DIAPH2: variants seen among roughly 807,000 people sequenced by gnomAD.
DIAPH2 encodes the protein diaphanous related formin 2.
In DIAPH2, 35 loss-of-function variants were observed where a neutral mutation model predicts 92.7. The observed-to-expected ratio is 0.38, with a 90% CI of 0.29 to 0.50. The LOEUF is 0.50. DIAPH2 is among the 20% of genes least tolerant of loss of function. The pLI is 0.94. For missense variants in DIAPH2, 701 were observed against 819.5 expected (o/e 0.86, Z 1.77); for synonymous variants, 301 against 280.4 (o/e 1.07, Z -0.73).
At chrX:96,833,406 A>G (rs2064868067) in intron 4 of DIAPH2, among the ~76,000 whole-genome samples, 1 of 111,563 alleles carries the variant, frequency 9.0e-6, no homozygotes, top group Non-Finnish European at 1.9e-5. Flanking sequence ...GTAGGAAATT[A>G]TGATTTAGTG....
chrX:96,725,482 C>T (rs1397574018), intron 1 of DIAPH2, among the ~76,000 whole-genome samples: 1 of 111,815 alleles, frequency 8.9e-6, no homozygotes, highest in African/African-American at 3.2e-5. Flanking sequence ...TAAGCTTCTA[C>T]GTTTTAAATA....
intron 20 of DIAPH2, among the ~76,000 whole-genome samples, chrX:97,107,311 A>C (rs1324946738): frequency 9.0e-6 from 1 of 111,148 alleles, no homozygotes; most frequent in Non-Finnish European, 1.9e-5. Context: ...TCAACACTCA[A>C]TTTTTTCAAG....
At chrX:97,210,309 G>T (rs1173662599) in intron 22 of DIAPH2, among the ~76,000 whole-genome samples, 1 of 111,544 alleles carries the variant, frequency 9.0e-6, no homozygotes, top group Admixed American at 9.5e-5. Context: ...GAAACCTTTC[G>T]ATGATAGTGT....
At chrX:97,293,392 A>C (rs774343622) in intron 23 of DIAPH2, among the ~76,000 whole-genome samples, 2 of 108,884 alleles carry the variant, frequency 1.8e-5, no homozygotes, top group Admixed American at 1.0e-4. Flanking sequence ...AGCTGGGATT[A>C]CAGGCATGCA....
intron 4 of DIAPH2, among the ~76,000 whole-genome samples, chrX:96,867,997 TAATA>T (rs1182069195): frequency 8.9e-6 from 1 of 112,042 alleles, no homozygotes; most frequent in Non-Finnish European, 1.9e-5. Context: ...TTATTTTAAG[TAATA>T]AATCATTTGC....
At chrX:96,873,806 G>C (rs1396612899) in intron 4 of DIAPH2, among the ~76,000 whole-genome samples, 1 of 110,723 alleles carries the variant, frequency 9.0e-6, no homozygotes, top group Non-Finnish European at 1.9e-5. Flanking sequence ...TCCCAGTTGT[G>C]ATATCATAAT....
chrX:97,014,644 A>C (rs1322538777), intron 17 of DIAPH2, among the ~76,000 whole-genome samples: 1 of 111,761 alleles, frequency 8.9e-6, no homozygotes. Flanking sequence ...CTTTTTTCAG[A>C]GTGGGTAGGA....
intron 23 of DIAPH2, among the ~76,000 whole-genome samples, chrX:97,272,964 T>C (rs2068402636): frequency 9.0e-6 from 1 of 111,564 alleles, no homozygotes; most frequent in East Asian, 2.8e-4. Context: ...GAGACCAGCC[T>C]GACCAACATG....
At chrX:97,171,754 C>T (rs1412221707) in intron 22 of DIAPH2, among the ~76,000 whole-genome samples, 1 of 111,407 alleles carries the variant, frequency 9.0e-6, no homozygotes, top group East Asian at 2.8e-4. Flanking sequence ...TCCTGGCTAA[C>T]ACAGTGAAAC....
At chrX:97,550,957 T>G (rs758794192) in intron 26 of DIAPH2, among the ~76,000 whole-genome samples, 1 of 110,489 alleles carries the variant, frequency 9.1e-6, no homozygotes, top group South Asian at 3.9e-4. Flanking sequence ...GCCCTGTATA[T>G]CCACAGAGGA....
intron 5 of DIAPH2, among the ~76,000 whole-genome samples, chrX:96,886,911 C>CTTTTT (rs55653485): frequency 9.6e-6 from 1 of 103,956 alleles, no homozygotes; most frequent in East Asian, 3.0e-4. Context: ...GAAAAAAACT[C>CTTTTT]TTTTTTTTTT....
At chrX:97,107,102 G>A (rs1016090373) in intron 20 of DIAPH2, among the ~76,000 whole-genome samples, 1 of 112,209 alleles carries the variant, frequency 8.9e-6, no homozygotes, top group Non-Finnish European at 1.9e-5. Context: ...AATGGTTGTT[G>A]ATGGGTAGTT....
At chrX:97,275,273 G>GC (rs777062563) in intron 23 of DIAPH2, among the ~76,000 whole-genome samples, 1,098 of 93,796 alleles carry the variant, frequency 0.012, 18 homozygotes, top group African/African-American at 0.042. Context: ...GGCAGGGGCT[G>GC]CCCCCCCAAC....
chrX:96,763,056 T>G, intron 4 of DIAPH2: 1 of 941,048 alleles, frequency 1.1e-6, no homozygotes, highest in Non-Finnish European at 1.4e-6. Flanking sequence ...GCTGTTTGTT[T>G]TTTTTTTACA....
chrX:97,097,205 T>TA (rs2066875465), intron 19 of DIAPH2, among the ~76,000 whole-genome samples: 1 of 111,930 alleles, frequency 8.9e-6, no homozygotes, highest in South Asian at 3.7e-4. Flanking sequence ...TGTACATATA[T>TA]AAAAAATCAG....
intron 26 of DIAPH2, among the ~76,000 whole-genome samples, chrX:97,541,796 T>A (rs1047108678): frequency 8.9e-6 from 1 of 112,394 alleles, no homozygotes; most frequent in African/African-American, 3.2e-5. Context: ...TTTTTTCCTT[T>A]ATGTGCCCTG....
At chrX:96,733,402 G>A (rs2064067736) in intron 1 of DIAPH2, among the ~76,000 whole-genome samples, 1 of 111,029 alleles carries the variant, frequency 9.0e-6, no homozygotes, top group Non-Finnish European at 1.9e-5. Context: ...AGAGAGAAGA[G>A]CCAGTGCATG....
chrX:97,428,402 G>A (rs1386781885), intron 25 of DIAPH2, among the ~76,000 whole-genome samples: 2 of 109,881 alleles, frequency 1.8e-5, no homozygotes, highest in South Asian at 4.0e-4. Flanking sequence ...GGTGGCGCAC[G>A]CCTGTAATCC....
At chrX:96,699,227 A>G (rs999683414) in intron 1 of DIAPH2, among the ~76,000 whole-genome samples, 4 of 112,220 alleles carry the variant, frequency 3.6e-5, no homozygotes, top group Non-Finnish European at 7.5e-5. Context: ...ATCAATTTTT[A>G]CAAATTCATA....
Sources: gnomAD v4.1 joint callset for allele counts (sites outside exome capture counted in the v4.1 genomes callset) on GRCh38, gnomAD v4.1.1 for gene constraint, MANE v1.5 for transcripts, NCBI Gene and HGNC (gene_info 2026-07-23, HGNC 2026-07-21) for gene names.